PSAP: variants seen among roughly 807,000 people sequenced by gnomAD.
PSAP encodes prosaposin.
A neutral mutation model predicts 66.0 loss-of-function variants in PSAP; 25 were observed. The observed-to-expected ratio is 0.38, with a 90% CI of 0.28 to 0.53. PSAP has a LOEUF of 0.53. Among genes scored for constraint, PSAP ranks in the 20% least tolerant of loss-of-function variants. PSAP has a pLI of 0.83. For synonymous variants in PSAP, 273 were observed against 258.9 expected, an observed-to-expected ratio of 1.05 and a Z score of -0.52; for missense variants, 649 against 668.8, an observed-to-expected ratio of 0.97 and a Z score of 0.33.
At chr10:71,832,697 T>C (rs1402733298) in intron 2 of PSAP, among the ~76,000 whole-genome samples, 3 of 151,948 alleles carry the variant, frequency 2.0e-5, no homozygotes, top group Non-Finnish European at 2.9e-5. Flanking sequence ...GCCCTCAACA[T>C]TTGTGGAAAC....
intron 7 of PSAP, 130 bp from the exon 8 acceptor site, chr10:71,822,137 C>T: frequency 1.6e-6 from 2 of 1,251,444 alleles, no homozygotes; most frequent in Non-Finnish European, 2.3e-6. Context: ...CTCTCCCCCT[C>T]CCACAACGGG....
Position 71,831,926 on chromosome 10 carries a change from A to T in PSAP, c.175-6T>A, listed in dbSNP as rs779164168. On this transcript the variant is annotated splice_polypyrimidine_tract_variant and splice_region_variant and intron_variant, in intron 2 of 13. Coordinates refer to ENST00000394936, the MANE Select transcript of PSAP (RefSeq NM_002778.4). Reference sequence around the variant, plus strand: ...ATGTCGCAGGGAAGGGATTTCTAAGAGAAAGAATACGAGAAATTTGTATTT... The same window carrying T: ...ATGTCGCAGGGAAGGGATTTCTAAGTGAAAGAATACGAGAAATTTGTATTT... 1.9e-6 allele frequency: 3 copies of T among 1,613,624 alleles called. No individual in the cohort carries two copies. Among genetic ancestry groups the T allele is most frequent in the Non-Finnish European group, 2.5e-6 (3 of 1,179,622 alleles).
At chr10:71,849,526 G>A (rs894363477) in intron 1 of PSAP, among the ~76,000 whole-genome samples, 5 of 146,382 alleles carry the variant, frequency 3.4e-5, no homozygotes, top group African/African-American at 1.4e-4. Flanking sequence ...GCTTGAACCC[G>A]GAAGGCGGAG....
At position 71,831,285 on chromosome 10, in the gene PSAP, G is replaced by A. The variant is rs199656881; in HGVS notation, c.250-34C>T. ...GGACACCAGGGTCAGAATCACGATA[G>A]GCTTTCCTCCCTGGAAATAAATGGG... On this transcript the variant is annotated intron_variant, in intron 3 of 13. Transcript: ENST00000394936. 4.2e-5 allele frequency: 67 copies of A among 1,611,366 alleles called. No individual in the cohort carries two copies. In the African/African-American group the frequency reaches 7.9e-4, roughly 19 times the overall value.
At chr10:71,823,773 C>A in intron 7 of PSAP, 2 of 738,580 alleles carry the variant, frequency 2.7e-6, no homozygotes, top group Admixed American at 5.7e-5. Flanking sequence ...GCCTGCCTCT[C>A]GTAACCATTC....
At chr10:71,848,316 C>T (rs1842858834) in intron 1 of PSAP, among the ~76,000 whole-genome samples, 1 of 152,146 alleles carries the variant, frequency 6.6e-6, no homozygotes, top group African/African-American at 2.4e-5. Flanking sequence ...GTAACTTACA[C>T]TAAGTTTTTA....
At chr10:71,834,638 G>A (rs1358468980) in intron 1 of PSAP, 133 bp from the exon 2 acceptor site, 3 of 1,160,804 alleles carry the variant, frequency 2.6e-6, no homozygotes, top group South Asian at 2.7e-5. Flanking sequence ...AAGCTGTATG[G>A]GACACCAGCC....
chr10:71,828,278 C>T lies in PSAP; in HGVS notation c.577-121G>A, dbSNP rs189825965. 7 of 1,027,860 alleles carry T rather than the reference C, an allele frequency of 6.8e-6. No individual in the cohort carries two copies. The Admixed American group carries it at 6.9e-5, about 10-fold the overall frequency. 63.7% of individuals were successfully genotyped at this position (1,027,860 alleles called of 1,614,324 possible). On this transcript the variant is annotated intron_variant, in intron 5 of 13. Transcript: ENST00000394936. The stretch of plus-strand genomic sequence containing the variant: ...GCTGACCAGTTCCTAAGATGCTTTA[C>T]AGGCTCTCAAATTACTGATAGGCTT...
intron 13 of PSAP, among the ~76,000 whole-genome samples, chr10:71,818,263 G>A (rs1475655756): frequency 6.6e-6 from 1 of 152,184 alleles, no homozygotes; most frequent in Non-Finnish European, 1.5e-5. Context: ...GACAGGACCT[G>A]GGCAAAGCTC....
intron 1 of PSAP, among the ~76,000 whole-genome samples, chr10:71,840,153 AT>A (rs1338942507): frequency 7.9e-5 from 12 of 152,090 alleles, no homozygotes; most frequent in Non-Finnish European, 1.8e-4. Flanking sequence ...TTTTAGTAAC[AT>A]GCTAAGTACA....
At chr10:71,848,388 G>A (rs1299586405) in intron 1 of PSAP, among the ~76,000 whole-genome samples, 1 of 152,202 alleles carries the variant, frequency 6.6e-6, no homozygotes, top group African/African-American at 2.4e-5. Context: ...GGAGTCTTGG[G>A]TTCTGGTCCT....
At chr10:71,849,430 C>T (rs1404678903) in intron 1 of PSAP, among the ~76,000 whole-genome samples, 2 of 152,078 alleles carry the variant, frequency 1.3e-5, no homozygotes, top group African/African-American at 4.8e-5. Context: ...CATATAGTTA[C>T]TAAAAAACAG....
intron 1 of PSAP, among the ~76,000 whole-genome samples, chr10:71,838,344 GGCCA>G (rs1269128353): frequency 6.6e-6 from 1 of 152,256 alleles, no homozygotes; most frequent in African/African-American, 2.4e-5. Flanking sequence ...GCTCAGCAGA[GGCCA>G]GGGAGGGGAG....
intron 2 of PSAP, among the ~76,000 whole-genome samples, chr10:71,833,831 AG>A (rs1405284255): frequency 1.3e-5 from 2 of 152,256 alleles, no homozygotes; most frequent in Non-Finnish European, 2.9e-5. Context: ...GTGTGGTTAC[AG>A]CTGGAAACCA....
At chr10:71,829,449 T>A (rs899207677) in intron 4 of PSAP, among the ~76,000 whole-genome samples, 2 of 152,144 alleles carry the variant, frequency 1.3e-5, no homozygotes, top group Non-Finnish European at 1.5e-5. Flanking sequence ...GTAAGTCTCA[T>A]GATCTGATGG....
intron 4 of PSAP, 29 bp downstream of exon 4, chr10:71,831,097 C>T (rs1842502970): frequency 6.2e-7 from 1 of 1,613,092 alleles, no homozygotes; most frequent in South Asian, 1.1e-5. Context: ...GAAGCACCTT[C>T]AAGGAAAAGC....
At chr10:71,840,092 C>T (rs1260970117) in intron 1 of PSAP, among the ~76,000 whole-genome samples, 1 of 151,886 alleles carries the variant, frequency 6.6e-6, no homozygotes, top group Non-Finnish European at 1.5e-5. Context: ...TGTGATAAAA[C>T]AATCAGTCTC....
chr10:71,830,233 C>T (rs1842485483), intron 4 of PSAP, among the ~76,000 whole-genome samples: 1 of 152,186 alleles, frequency 6.6e-6, no homozygotes, highest in South Asian at 2.1e-4. Flanking sequence ...ATAACTCCAC[C>T]TTTATCTTCT....
chr10:71,845,062 A>C (rs1842796220), intron 1 of PSAP, among the ~76,000 whole-genome samples: 1 of 152,226 alleles, frequency 6.6e-6, no homozygotes, highest in Admixed American at 6.5e-5. Context: ...CCTAATTTAT[A>C]AACTAAACTT....
Sources: gnomAD v4.1 joint callset for allele counts (sites outside exome capture counted in the v4.1 genomes callset) on GRCh38, gnomAD v4.1.1 for gene constraint, MANE v1.5 for transcripts, NCBI Gene and HGNC (gene_info 2026-07-23, HGNC 2026-07-21) for gene names.